Variants in SLX4IP observed in about 807,000 individuals in gnomAD.
SLX4IP encodes SLX4 interacting protein.
In SLX4IP, 34 loss-of-function variants were observed where a neutral mutation model predicts 32.9. That is an observed-to-expected ratio of 1.03 (90% CI 0.79 to 1.38). The LOEUF (loss-of-function observed/expected upper bound fraction) is 1.38, where lower values mean the gene tolerates loss of function less well. SLX4IP is among the 40% of genes most tolerant of loss of function. The pLI is 0.00. For missense variants in SLX4IP, 444 were observed against 479.0 expected (o/e 0.93, Z 0.68); for synonymous variants, 172 against 171.7 (o/e 1.00, Z -0.01).
chr20:10,564,677 G>A (rs2066370331), intron 4 of SLX4IP, among the ~76,000 whole-genome samples: 3 of 152,108 alleles, frequency 2.0e-5, no homozygotes, highest in Admixed American at 6.5e-5. Context: ...ATGATATAAA[G>A]GAGTATGAAA....
At chr20:10,436,216 A>G (rs2065112546) in intron 1 of SLX4IP, among the ~76,000 whole-genome samples, 1 of 152,184 alleles carries the variant, frequency 6.6e-6, no homozygotes, top group Admixed American at 6.5e-5. Flanking sequence ...TACCACCAGC[A>G]TCAGCATCCC....
At chr20:10,525,338 T>C (rs997754403) in intron 2 of SLX4IP, among the ~76,000 whole-genome samples, 1 of 152,170 alleles carries the variant, frequency 6.6e-6, no homozygotes, top group African/African-American at 2.4e-5. Flanking sequence ...CCAATTTTGA[T>C]GTTATATATT....
At chr20:10,546,245 C>G (rs920964572) in intron 2 of SLX4IP, among the ~76,000 whole-genome samples, 25 of 152,214 alleles carry the variant, frequency 1.6e-4, no homozygotes, top group African/African-American at 6.0e-4. Context: ...CGGACGAGTA[C>G]ATTGCAGTTT....
At chr20:10,461,422 A>G (rs1158681962) in intron 2 of SLX4IP, among the ~76,000 whole-genome samples, 8 of 152,240 alleles carry the variant, frequency 5.3e-5, no homozygotes, top group African/African-American at 1.9e-4. Context: ...AGGCTAGCAT[A>G]ATAGGGATAG....
intron 2 of SLX4IP, among the ~76,000 whole-genome samples, chr20:10,477,356 G>A (rs950310303): frequency 2.0e-5 from 3 of 152,142 alleles, no homozygotes; most frequent in African/African-American, 7.2e-5. Context: ...ATGTTGGTCA[G>A]GCTGGTCTCA....
intron 4 of SLX4IP, among the ~76,000 whole-genome samples, chr20:10,582,529 G>A (rs985519384): frequency 9.9e-5 from 15 of 152,078 alleles, no homozygotes; most frequent in Non-Finnish European, 1.3e-4. Context: ...CATGCTTAAC[G>A]GGTTGGTAAT....
chr20:10,540,150 T>C (rs997892244), intron 2 of SLX4IP, among the ~76,000 whole-genome samples: 1 of 149,972 alleles, frequency 6.7e-6, no homozygotes, highest in Non-Finnish European at 1.5e-5. Context: ...CTTCTTTCCT[T>C]CCTTCCTTCT....
chr20:10,588,262 T>A (rs2066667410), intron 4 of SLX4IP, among the ~76,000 whole-genome samples: 1 of 152,326 alleles, frequency 6.6e-6, no homozygotes, highest in East Asian at 1.9e-4. Flanking sequence ...GAAAGGTGCT[T>A]AACGTTATTT....
intron 2 of SLX4IP, among the ~76,000 whole-genome samples, chr20:10,482,805 G>A (rs1236899159): frequency 6.6e-6 from 1 of 152,190 alleles, no homozygotes; most frequent in Non-Finnish European, 1.5e-5. Flanking sequence ...TTGCACAACT[G>A]TATAAATTTA....
chr20:10,493,389 A>G (rs2065641567), intron 2 of SLX4IP, among the ~76,000 whole-genome samples: 1 of 152,180 alleles, frequency 6.6e-6, no homozygotes, highest in Non-Finnish European at 1.5e-5. Flanking sequence ...ACATTTTATA[A>G]TAGATTATCA....
intron 2 of SLX4IP, among the ~76,000 whole-genome samples, chr20:10,528,126 T>G (rs2065954776): frequency 6.6e-6 from 1 of 152,216 alleles, no homozygotes; most frequent in African/African-American, 2.4e-5. Flanking sequence ...TAAGAGTAGT[T>G]TGTTTTATTT....
intron 1 of SLX4IP, among the ~76,000 whole-genome samples, chr20:10,436,794 A>G (rs1039646637): frequency 2.0e-5 from 3 of 152,190 alleles, no homozygotes; most frequent in South Asian, 2.1e-4. Flanking sequence ...TAGGGCGTCA[A>G]TTTAGCTTTC....
intron 4 of SLX4IP, among the ~76,000 whole-genome samples, chr20:10,591,625 C>T (rs1176327540): frequency 6.6e-6 from 1 of 152,132 alleles, no homozygotes; most frequent in Admixed American, 6.5e-5. Flanking sequence ...TTAAAGAGAA[C>T]TTTGAGTTTT....
chr20:10,533,072 G>A (rs1377130526), intron 2 of SLX4IP, among the ~76,000 whole-genome samples: 1 of 151,924 alleles, frequency 6.6e-6, no homozygotes, highest in African/African-American at 2.4e-5. Context: ...ACCACGCCTG[G>A]CCCACAAGCA....
At chr20:10,512,442 G>C (rs1004695462) in intron 2 of SLX4IP, among the ~76,000 whole-genome samples, 1 of 150,926 alleles carries the variant, frequency 6.6e-6, no homozygotes, top group African/African-American at 2.4e-5. Context: ...GATGGGTTTT[G>C]CTCTGTCAAC....
intron 1 of SLX4IP, among the ~76,000 whole-genome samples, chr20:10,438,512 C>A (rs865917486): frequency 7.4e-6 from 1 of 135,788 alleles, no homozygotes; most frequent in Non-Finnish European, 1.5e-5. Flanking sequence ...AAGTCTCCCT[C>A]TGTCACCTGG....
intron 3 of SLX4IP, among the ~76,000 whole-genome samples, chr20:10,556,588 T>C (rs2066269675): frequency 6.6e-6 from 1 of 152,122 alleles, no homozygotes; most frequent in South Asian, 2.1e-4. Flanking sequence ...TTTCTATATA[T>C]TCAAAAAGAG....
At chr20:10,524,476 C>T (rs2065926197) in intron 2 of SLX4IP, among the ~76,000 whole-genome samples, 1 of 152,212 alleles carries the variant, frequency 6.6e-6, no homozygotes, top group Admixed American at 6.5e-5. Context: ...AAGTCAGAAA[C>T]ACACAGGGCT....
intron 2 of SLX4IP, among the ~76,000 whole-genome samples, chr20:10,519,528 A>G (rs1195202854): frequency 6.6e-6 from 1 of 152,218 alleles, no homozygotes; most frequent in Non-Finnish European, 1.5e-5. Flanking sequence ...AGGTTCAACC[A>G]TGTTGTAGTA....
Sources: allele counts gnomAD v4.1 joint callset (sites outside exome capture counted in the v4.1 genomes callset), GRCh38; gene constraint gnomAD v4.1.1; transcripts MANE v1.5; gene names NCBI Gene and HGNC (gene_info 2026-07-23, HGNC 2026-07-21).